Variants in KLF12 observed in about 807,000 individuals in gnomAD.
KLF12 encodes the protein Krueppel-like factor 12.
A neutral mutation model predicts 37.8 loss-of-function variants in KLF12; 9 were observed. That is an observed-to-expected ratio of 0.24 (90% CI 0.14 to 0.42). The LOEUF is 0.42. Among genes scored for constraint, KLF12 ranks in the 10% least tolerant of loss-of-function variants. The probability of loss-of-function intolerance (pLI) is 1.00; values close to 1 mark genes in which losing one functional copy is unlikely to be tolerated. For synonymous variants in KLF12, 208 were observed against 202.1 expected (o/e 1.03, Z -0.25); for missense variants, 411 against 516.0 (o/e 0.80, Z 1.97).
chr13:73,916,247 GCACA>G lies in KLF12; in HGVS notation c.123+27730_123+27733del, dbSNP rs34551604. 4.5e-3 allele frequency among the ~76,000 whole-genome samples: 661 copies of G among 146,408 alleles called. 8 individuals carry two copies. The highest frequency in any genetic ancestry group is 0.014 in the African/African-American group (552 of 39,224). On this transcript the variant is annotated intron_variant, in intron 3 of 7. Transcript: ENST00000377669. ...CACACACACACACACACACGCACAC[GCACA>G]CACACACACACACACAGCTTTAAAG...
intron 5 of KLF12, among the ~76,000 whole-genome samples, chr13:73,798,349 C>T (rs1035776303): frequency 1.3e-5 from 2 of 152,034 alleles, no homozygotes; most frequent in African/African-American, 4.8e-5. Flanking sequence ...CCAACCTGGA[C>T]ATAGGAATAA....
the KLF12 span, among the ~76,000 whole-genome samples, chr13:74,141,663 T>C: frequency 1.3e-5 from 2 of 151,872 alleles, no homozygotes; most frequent in African/African-American, 2.4e-5. Flanking sequence ...CAGCTGCCCC[T>C]CCCTCTCCAT....
intron 6 of KLF12, among the ~76,000 whole-genome samples, chr13:73,717,699 T>C (rs1299675329): frequency 6.6e-6 from 1 of 152,244 alleles, no homozygotes; most frequent in Non-Finnish European, 1.5e-5. Flanking sequence ...TCAGCTTTCT[T>C]ATCAATGTGG....
At chr13:73,900,554 T>A (rs1213247075) in intron 3 of KLF12, among the ~76,000 whole-genome samples, 2 of 152,028 alleles carry the variant, frequency 1.3e-5, no homozygotes, top group Non-Finnish European at 2.9e-5. Flanking sequence ...GGTTTCCAAA[T>A]ATGCAATTTC....
At chr13:74,155,208 G>C in the KLF12 span, among the ~76,000 whole-genome samples, 4 of 152,150 alleles carry the variant, frequency 2.6e-5, no homozygotes, top group East Asian at 7.7e-4. Flanking sequence ...ATGTTCCTTA[G>C]AATTTCAAGC....
the KLF12 span, among the ~76,000 whole-genome samples, chr13:74,205,202 C>T: frequency 1.5e-4 from 23 of 152,062 alleles, no homozygotes; most frequent in African/African-American, 5.3e-4. Flanking sequence ...ATTTGCTCAG[C>T]GTGGGGAGAA....
At chr13:73,907,392 T>C (rs1288930897) in intron 3 of KLF12, among the ~76,000 whole-genome samples, 4 of 152,182 alleles carry the variant, frequency 2.6e-5, no homozygotes, top group South Asian at 2.1e-4. Context: ...ATTTAGACTA[T>C]CCTATCCTCT....
At chr13:73,829,669 C>T (rs890397204) in intron 4 of KLF12, among the ~76,000 whole-genome samples, 1 of 151,904 alleles carries the variant, frequency 6.6e-6, no homozygotes, top group Non-Finnish European at 1.5e-5. Context: ...TATGCAAGGC[C>T]TCTGCAAATT....
chr13:74,184,986 A>C, the KLF12 span, among the ~76,000 whole-genome samples: 1 of 152,186 alleles, frequency 6.6e-6, no homozygotes, highest in Admixed American at 6.5e-5. Flanking sequence ...GATTTGAGGC[A>C]AACACTTTAC....
chr13:73,703,077 A>G (rs954667868), intron 7 of KLF12, among the ~76,000 whole-genome samples: 12 of 152,198 alleles, frequency 7.9e-5, no homozygotes, highest in African/African-American at 2.9e-4. Flanking sequence ...TCCAAGGCCA[A>G]AAAGTTAAGC....
chr13:74,003,847 T>C (rs1285503203), intron 1 of KLF12, among the ~76,000 whole-genome samples: 1 of 152,152 alleles, frequency 6.6e-6, no homozygotes, highest in South Asian at 2.1e-4. Flanking sequence ...AAAAATTAAA[T>C]AATTTTGAAA....
rs75837097 is a variant in KLF12 at position 73,956,592 on chromosome 13, T to G, written c.34-12522A>C. On this transcript the variant is annotated intron_variant, in intron 2 of 7. Coordinates refer to ENST00000377669, the MANE Select transcript of KLF12 (RefSeq NM_007249.5). ...AGCAGCCCATTTCAGAACCACTGTT[T>G]TATAATTGCTGATTCTATGAACTCA... Among the ~76,000 whole-genome samples the G allele has an allele frequency of 3.8e-3, 582 of 152,248 alleles. 8 individuals carry two copies. The highest frequency in any genetic ancestry group is 0.013 in the African/African-American group (550 of 41,542).
At chr13:73,758,268 T>C (rs1879313095) in intron 6 of KLF12, among the ~76,000 whole-genome samples, 1 of 152,120 alleles carries the variant, frequency 6.6e-6, no homozygotes, top group South Asian at 2.1e-4. Context: ...ACCCACATCA[T>C]ACAATTTAAA....
At chr13:73,976,595 G>A (rs576918274) in intron 2 of KLF12, among the ~76,000 whole-genome samples, 8 of 152,110 alleles carry the variant, frequency 5.3e-5, no homozygotes, top group Non-Finnish European at 1.0e-4. Context: ...AGAAGCCCAT[G>A]TCATCTTTGC....
chr13:74,283,576 C>G, the KLF12 span, among the ~76,000 whole-genome samples: 2 of 152,108 alleles, frequency 1.3e-5, no homozygotes, highest in Admixed American at 1.3e-4. Context: ...ACAGTATGCA[C>G]TAGTGGGCAG....
At chr13:73,857,341 G>T (rs979237528) in intron 3 of KLF12, among the ~76,000 whole-genome samples, 1 of 152,168 alleles carries the variant, frequency 6.6e-6, no homozygotes, top group Non-Finnish European at 1.5e-5. Context: ...GACTTAAAAA[G>T]GGGCCTGGTG....
upstream of KLF12, among the ~76,000 whole-genome samples, chr13:74,137,049 C>A (rs1206939359): frequency 6.6e-6 from 1 of 152,112 alleles, no homozygotes; most frequent in Non-Finnish European, 1.5e-5. Context: ...CATGCGTTTC[C>A]AAACTAGTTC....
At position 73,995,041 on chromosome 13, in the gene KLF12, A is replaced by G; in HGVS notation, c.-19T>C. On this transcript the variant is annotated 5_prime_UTR_variant, in exon 2 of 8. Transcript: ENST00000377669. ...TATTCATTCATCCATTTGTTCTTAG[A>G]GTCACATTGATCCTGCAAGAAAAAC... is the stretch of plus-strand genomic sequence containing the variant. The G allele has an allele frequency of 6.2e-7, 1 of 1,603,222 alleles. No homozygotes were observed. Among genetic ancestry groups the G allele is most frequent in the Non-Finnish European group, 8.5e-7 (1 of 1,173,466 alleles).
At chr13:73,921,468 TCAATATTTTTTCATTA>T (rs1470418120) in intron 3 of KLF12, among the ~76,000 whole-genome samples, 1 of 152,166 alleles carries the variant, frequency 6.6e-6, no homozygotes, top group African/African-American at 2.4e-5. Context: ...TGTGCCTAAC[TCAATATTTTTTCATTA>T]TCTGTGTATA....
Sources: allele counts gnomAD v4.1 joint callset (sites outside exome capture counted in the v4.1 genomes callset), GRCh38; gene constraint gnomAD v4.1.1; transcripts MANE v1.5; gene names NCBI Gene and HGNC (gene_info 2026-07-23, HGNC 2026-07-21).